Variants in SPAG16 observed in about 807,000 individuals in gnomAD.
SPAG16 encodes the protein sperm associated antigen 16.
Under a neutral mutation model 80.4 loss-of-function variants are expected in SPAG16, and 86 were observed. The ratio of observed to expected loss-of-function variants is 1.07; its 90% CI spans 0.90 to 1.28. The LOEUF (loss-of-function observed/expected upper bound fraction) is 1.28. Among genes scored for constraint, SPAG16 ranks in the 50% most tolerant of loss-of-function variants. SPAG16 has a pLI of 0.00. For synonymous variants in SPAG16, 294 were observed against 265.9 expected (o/e 1.11, Z -1.03); for missense variants, 870 against 765.3 (o/e 1.14, Z -1.61).
chr2:213,976,527 A>G (rs1412605471), intron 12 of SPAG16, among the ~76,000 whole-genome samples: 1 of 152,074 alleles, frequency 6.6e-6, no homozygotes, highest in Non-Finnish European at 1.5e-5. Flanking sequence ...TGACTATAAA[A>G]TAGGGATATT....
At chr2:213,992,888 C>A (rs2046351730) in intron 12 of SPAG16, among the ~76,000 whole-genome samples, 1 of 152,190 alleles carries the variant, frequency 6.6e-6, no homozygotes, top group Non-Finnish European at 1.5e-5. Flanking sequence ...CAACTTTCAG[C>A]CTGCTGACCA....
intron 9 of SPAG16, among the ~76,000 whole-genome samples, chr2:213,441,927 A>G (rs1559136789): frequency 6.6e-6 from 1 of 152,182 alleles, no homozygotes; most frequent in Non-Finnish European, 1.5e-5. Context: ...CAGGTGGATC[A>G]CTTCAAGTCA....
chr2:213,365,691 G>A (rs1418460107), intron 8 of SPAG16, among the ~76,000 whole-genome samples: 1 of 151,660 alleles, frequency 6.6e-6, no homozygotes, highest in East Asian at 2.0e-4. Context: ...CTCCTGTCTT[G>A]AAGTGATCCG....
chr2:213,984,391 A>G (rs527684377), intron 12 of SPAG16, among the ~76,000 whole-genome samples: 7 of 152,272 alleles, frequency 4.6e-5, no homozygotes, highest in Admixed American at 2.0e-4. Flanking sequence ...AATGCTATGC[A>G]GTATATCAGA....
intron 10 of SPAG16, among the ~76,000 whole-genome samples, chr2:213,508,920 A>T (rs1431814181): frequency 8.0e-6 from 1 of 124,640 alleles, no homozygotes; most frequent in African/African-American, 4.4e-5. Flanking sequence ...AGTATAATTA[A>T]AAAAAAAAAA....
intron 11 of SPAG16, among the ~76,000 whole-genome samples, chr2:213,899,657 C>T (rs1236782680): frequency 2.6e-5 from 4 of 152,036 alleles, no homozygotes; most frequent in Non-Finnish European, 4.4e-5. Flanking sequence ...AAAACAACCA[C>T]GTTTATATGA....
chr2:214,255,232 G>A lies in SPAG16; in HGVS notation c.1720+105966G>A, dbSNP rs993951861. Among the ~76,000 whole-genome samples the A allele has an allele frequency of 3.3e-5, 5 of 151,972 alleles. No homozygotes were observed. The East Asian group carries it at 9.7e-4, about 29-fold the overall frequency. On this transcript the variant is annotated intron_variant, in intron 15 of 15. Coordinates refer to ENST00000331683, the MANE Select transcript of SPAG16 (RefSeq NM_024532.5). ...CTAGTGTACCCACTTCCTCCTTTTG[G>A]TGGTATAACTGGGTCTTTCCTTCAG...
chr2:214,394,350 A>T (rs1414623388), intron 15 of SPAG16, among the ~76,000 whole-genome samples: 2 of 152,102 alleles, frequency 1.3e-5, no homozygotes, highest in African/African-American at 4.8e-5. Context: ...CCAGTGTACA[A>T]ATCTGAGTTA....
At position 213,646,066 on chromosome 2, in the gene SPAG16, G is replaced by A. The variant is rs116787473; in HGVS notation, c.1070+155976G>A. On this transcript the variant is annotated intron_variant, in intron 10 of 15. Coordinates refer to ENST00000331683, the MANE Select transcript of SPAG16 (RefSeq NM_024532.5). ...GAGTTTAGTGCCTCACAATTGCTGT[G>A]CTCTCCCCACTACTCTGCCTAGAGA... Among the ~76,000 whole-genome samples the A allele has an allele frequency of 1.8e-3, 276 of 152,256 alleles. 2 individuals are homozygous for A. Among genetic ancestry groups the A allele is most frequent in the African/African-American group, 6.3e-3 (263 of 41,556 alleles).
At chr2:213,850,599 C>T (rs1304318166) in intron 10 of SPAG16, among the ~76,000 whole-genome samples, 3 of 152,072 alleles carry the variant, frequency 2.0e-5, no homozygotes, top group Non-Finnish European at 4.4e-5. Context: ...GAATGAAGGT[C>T]TTTAAGGAAA....
chr2:214,377,545 T>G (rs1305642723), intron 15 of SPAG16, among the ~76,000 whole-genome samples: 1 of 152,224 alleles, frequency 6.6e-6, no homozygotes, highest in Non-Finnish European at 1.5e-5. Flanking sequence ...TTCTCTAGCT[T>G]ATGGTACAAC....
intron 10 of SPAG16, among the ~76,000 whole-genome samples, chr2:213,515,934 T>G (rs1332230090): frequency 1.3e-5 from 2 of 152,194 alleles, no homozygotes; most frequent in Admixed American, 1.3e-4. Flanking sequence ...CAATGATTCC[T>G]GTACTCCCAA....
At chr2:213,387,054 T>C (rs1209240549) in intron 9 of SPAG16, among the ~76,000 whole-genome samples, 1 of 152,172 alleles carries the variant, frequency 6.6e-6, no homozygotes, top group South Asian at 2.1e-4. Context: ...AACAGCAGAA[T>C]GGAAGAGTGC....
At chr2:213,546,947 T>C (rs2076631289) in intron 10 of SPAG16, among the ~76,000 whole-genome samples, 1 of 152,188 alleles carries the variant, frequency 6.6e-6, no homozygotes, top group Non-Finnish European at 1.5e-5. Context: ...AAAAGCTGTA[T>C]AATGCAGTTA....
intron 10 of SPAG16, among the ~76,000 whole-genome samples, chr2:213,686,196 T>G (rs1345470282): frequency 6.6e-6 from 1 of 152,144 alleles, no homozygotes; most frequent in African/African-American, 2.4e-5. Flanking sequence ...TTGGCTCACT[T>G]CAACCTCTGC....
intron 12 of SPAG16, among the ~76,000 whole-genome samples, chr2:214,006,200 T>G (rs1290583818): frequency 6.6e-6 from 1 of 152,226 alleles, no homozygotes; most frequent in Non-Finnish European, 1.5e-5. Flanking sequence ...CACATTTTGT[T>G]GACCTGCATA....
intron 15 of SPAG16, among the ~76,000 whole-genome samples, chr2:214,158,049 ATTG>A (rs2125593893): frequency 6.6e-6 from 1 of 152,162 alleles, no homozygotes; most frequent in East Asian, 1.9e-4. Flanking sequence ...AAACAGTAAA[ATTG>A]TTGTTCATCT....
At chr2:214,173,507 A>G (rs1453438655) in intron 15 of SPAG16, among the ~76,000 whole-genome samples, 1 of 151,950 alleles carries the variant, frequency 6.6e-6, no homozygotes, top group Non-Finnish European at 1.5e-5. Flanking sequence ...GTAGCCTTGT[A>G]GTATAGTATG....
In SPAG16 at chr2:213,973,124, A is replaced by G. The variant is rs141198300; in HGVS notation, c.1401-40827A>G. Among the ~76,000 whole-genome samples, 495 of 152,328 alleles carry G rather than the reference A, an allele frequency of 3.2e-3. 2 individuals are homozygous for G. Among genetic ancestry groups the G allele is most frequent in the Non-Finnish European group, 5.3e-3 (363 of 68,030 alleles). On this transcript the variant is annotated intron_variant, in intron 12 of 15. Transcript: ENST00000331683. ...TTGTGCTGAGTGTGGACATCAGCCA[A>G]TGATGAAAGCTTAAGGTTTTCTTGG...
Sources: allele counts gnomAD v4.1 joint callset (sites outside exome capture counted in the v4.1 genomes callset), GRCh38; gene constraint gnomAD v4.1.1; transcripts MANE v1.5; gene names NCBI Gene and HGNC (gene_info 2026-07-23, HGNC 2026-07-21).